Variants in GRIN2B observed in about 807,000 individuals in gnomAD.
The protein encoded by GRIN2B is glutamate receptor ionotropic, NMDA 2B.
In GRIN2B, 5 loss-of-function variants were observed where a neutral mutation model predicts 114.5. That is an observed-to-expected ratio of 0.04 (90% CI 0.02 to 0.09). The LOEUF (loss-of-function observed/expected upper bound fraction) is 0.09. Ranked by LOEUF, GRIN2B falls within the 10% of genes least tolerant of loss-of-function variation. GRIN2B has a pLI of 1.00. For missense variants in GRIN2B, 1,108 were observed against 1,943.5 expected, an observed-to-expected ratio of 0.57 and a Z score of 8.08; for synonymous variants, 787 against 745.1, an observed-to-expected ratio of 1.06 and a Z score of -0.92.
intron 10 of GRIN2B, among the ~76,000 whole-genome samples, chr12:13,606,525 T>C (rs1949250507): frequency 1.3e-5 from 2 of 152,118 alleles, no homozygotes; most frequent in African/African-American, 2.4e-5. Flanking sequence ...ACACTGGCCA[T>C]TAGGCCCCAC....
At chr12:13,818,455 T>C (rs894003388) in intron 3 of GRIN2B, among the ~76,000 whole-genome samples, 1 of 152,242 alleles carries the variant, frequency 6.6e-6, no homozygotes, top group African/African-American at 2.4e-5. Context: ...AGGATTTATT[T>C]TTAAGAAGGG....
At chr12:13,735,936 C>T (rs1229041040) in intron 4 of GRIN2B, among the ~76,000 whole-genome samples, 1 of 151,264 alleles carries the variant, frequency 6.6e-6, no homozygotes, top group Non-Finnish European at 1.5e-5. Context: ...ATCTGAAGCA[C>T]GTGTCACTGC....
Position 13,948,049 on chromosome 12 carries a change from C to T in GRIN2B, c.-19+31879G>A, listed in dbSNP as rs73303042. On this transcript the variant is annotated intron_variant, in intron 2 of 13. Coordinates refer to ENST00000609686, the MANE Select transcript of GRIN2B (RefSeq NM_000834.5). The stretch of plus-strand genomic sequence containing the variant: ...CCTGAAAGTATGGTATTTACTCACT[C>T]AAAACCCAACAATGTTGCAGTTAAT... Among the ~76,000 whole-genome samples, 344 of 152,284 alleles carry T rather than the reference C, an allele frequency of 2.3e-3. 3 individuals carry two copies. Among genetic ancestry groups the T allele is most frequent in the African/African-American group, 7.6e-3 (317 of 41,554 alleles).
chr12:13,675,755 T>C lies in GRIN2B; in HGVS notation c.1115A>G (p.Lys372Arg). 2.5e-6 allele frequency: 4 copies of C among 1,596,610 alleles called. No individual in the cohort carries two copies. The highest frequency in any genetic ancestry group is 3.4e-6 in the Non-Finnish European group (4 of 1,164,186). The change falls in exon 5 of 14, where the codon AAG becomes AGG. Residue 372 changes from lysine (K) to arginine (R), a missense_variant. Transcript: ENST00000609686. The part of the protein sequence containing the change: ...LVIILLNKER[K>R]WERVGKWKDK... ...AAAGACATGTCTTACCCTTTCCCAC[T>C]TCCTCTCCTTGTTCAGAAGAATTAT... is the stretch of plus-strand genomic sequence containing the variant.
rs79845756 is a variant in GRIN2B, at chr12:13,947,724, G to A, written c.-19+32204C>T. 7.4e-4 allele frequency among the ~76,000 whole-genome samples: 113 copies of A among 152,198 alleles called. 1 individual carries two copies. In the East Asian group the frequency reaches 0.021, roughly 28 times the overall value. Reference sequence around the variant, plus strand: ...GTTGATCTGATAGGACCCCACCTTTGGCTGTGGCTCATTTTCCAGCTGCAG... The same window carrying A: ...GTTGATCTGATAGGACCCCACCTTTAGCTGTGGCTCATTTTCCAGCTGCAG... On this transcript the variant is annotated intron_variant, in intron 2 of 13. Transcript: ENST00000609686.
rs185305899 is a variant in GRIN2B, at chr12:13,659,294, T to C, written c.1125+16451A>G. Among the ~76,000 whole-genome samples, 4 of 152,322 alleles carry C rather than the reference T, an allele frequency of 2.6e-5. No homozygotes were observed. In the East Asian group the frequency reaches 7.7e-4, roughly 29 times the overall value. On this transcript the variant is annotated intron_variant, in intron 5 of 13. Transcript: ENST00000609686. The stretch of plus-strand genomic sequence containing the variant: ...CTGAAGTTCAATTCTTCAGTGGTCA[T>C]TGTCTCATCTTTCCCAGTAGGTTAC...
intron 2 of GRIN2B, among the ~76,000 whole-genome samples, chr12:13,965,172 C>T (rs1244814506): frequency 1.3e-5 from 2 of 152,160 alleles, no homozygotes; most frequent in Non-Finnish European, 2.9e-5. Flanking sequence ...GCCTGAAATC[C>T]TCACAGAGCC....
chr12:13,547,981 A>ATATATATATTTTTTTTTTTTTTTTTTT lies in GRIN2B; in HGVS notation c.*14801_*14802insAAAAAAAAAAAAAAAAAAATATATATA. On this transcript the variant is annotated 3_prime_UTR_variant, in exon 14 of 14. Transcript: ENST00000609686. Reference sequence around the variant, plus strand: ...TGTGTATATATATATATATATATATATTTTTTTTTTTTTTCTGAAAGCTAC... The same window carrying ATATATATATTTTTTTTTTTTTTTTTTT: ...TGTGTATATATATATATATATATATATATATATATTTTTTTTTTTTTTTTTTTTTTTTTTTTTTTTTCTGAAAGCTAC... 13 of 68,588 alleles carry ATATATATATTTTTTTTTTTTTTTTTTT rather than the reference A, an allele frequency of 1.9e-4. No homozygotes were observed. The highest frequency in any genetic ancestry group is 3.2e-4 in the Non-Finnish European group (11 of 34,394). The allele number at this position is 68,588 out of a possible 1,614,324, so 4.2% of individuals were successfully genotyped here. A position where few individuals can be genotyped will look rare whatever the true frequency, so the allele number is the denominator to read the frequency against.
intron 4 of GRIN2B, among the ~76,000 whole-genome samples, chr12:13,728,338 T>C (rs570657851): frequency 6.6e-5 from 10 of 152,168 alleles, no homozygotes; most frequent in Non-Finnish European, 1.5e-4. Context: ...AGGCTAGAAA[T>C]TTTTTTCAAC....
intron 3 of GRIN2B, among the ~76,000 whole-genome samples, chr12:13,841,487 T>G (rs537426520): frequency 6.6e-6 from 1 of 152,306 alleles, no homozygotes; most frequent in African/African-American, 2.4e-5. Context: ...CTGCTGGAGA[T>G]GATGATATCC....
intron 3 of GRIN2B, among the ~76,000 whole-genome samples, chr12:13,859,931 A>G (rs1446713715): frequency 1.3e-5 from 2 of 152,214 alleles, no homozygotes; most frequent in South Asian, 2.1e-4. Flanking sequence ...TTTTCTCCCA[A>G]AGTATTCTGT....
At chr12:13,590,761 C>T (rs1157285026) in intron 10 of GRIN2B, among the ~76,000 whole-genome samples, 1 of 152,118 alleles carries the variant, frequency 6.6e-6, no homozygotes, top group East Asian at 1.9e-4. Context: ...TGGGCATATA[C>T]CCGGCAATGG....
intron 10 of GRIN2B, among the ~76,000 whole-genome samples, chr12:13,608,027 G>A (rs1290449892): frequency 0.046 from 6 of 130 alleles, no homozygotes; most frequent in Admixed American, 0.2. Flanking sequence ...GCATAGGCCC[G>A]CAGAGGCCTG....
intron 5 of GRIN2B, among the ~76,000 whole-genome samples, chr12:13,660,497 T>C (rs1234120200): frequency 6.6e-6 from 1 of 152,176 alleles, no homozygotes; most frequent in East Asian, 1.9e-4. Context: ...TAACTCTGGA[T>C]ACAGGCAGCA....
At chr12:13,807,774 G>C (rs1247228260) in intron 3 of GRIN2B, among the ~76,000 whole-genome samples, 3 of 137,842 alleles carry the variant, frequency 2.2e-5, no homozygotes, top group Non-Finnish European at 4.6e-5. Flanking sequence ...AGGTAGCAAG[G>C]GGCTTCTTAA....
intron 4 of GRIN2B, among the ~76,000 whole-genome samples, chr12:13,710,341 C>T (rs1229569063): frequency 6.6e-6 from 1 of 152,102 alleles, no homozygotes; most frequent in African/African-American, 2.4e-5. Context: ...CCCTCTCTCA[C>T]CGCTCCTATT....
chr12:13,954,275 T>G (rs1867546730), intron 2 of GRIN2B, among the ~76,000 whole-genome samples: 1 of 152,196 alleles, frequency 6.6e-6, no homozygotes, highest in Non-Finnish European at 1.5e-5. Flanking sequence ...CGTAATTTGC[T>G]ACATGATTCA....
At chr12:13,737,030 CAAAAAA>C (rs368902113) in intron 4 of GRIN2B, among the ~76,000 whole-genome samples, 6 of 100,630 alleles carry the variant, frequency 6.0e-5, no homozygotes. Context: ...AACTCCATCT[CAAAAAA>C]AAAAAAAAAA....
In GRIN2B at chr12:13,564,124, C is replaced by T; in HGVS notation, c.3114G>A (p.Leu1038=). The T allele has an allele frequency of 6.2e-7, 1 of 1,614,156 alleles. No homozygotes were observed. Among genetic ancestry groups the T allele is most frequent in the Non-Finnish European group, 8.5e-7 (1 of 1,180,024 alleles). The part of the protein sequence containing the change: ...PSSKHSQLSD[L]YGKFSFKSDR... The stretch of plus-strand genomic sequence containing the variant: ...CGCTCTTGAAGGAGAATTTGCCGTA[C>T]AGGTCACTGAGCTGGCTGTGCTTGG... Residue 1038 remains leucine, a synonymous_variant, in exon 14 of 14, where the codon CTG becomes CTA. Transcript: ENST00000609686. This position sits in a 1 kb window ranked among gnomAD's most constrained non-coding sequence, Gnocchi z 4.8.
Sources: allele counts gnomAD v4.1 joint callset (sites outside exome capture counted in the v4.1 genomes callset), GRCh38; gene constraint gnomAD v4.1.1; non-coding constraint Gnocchi (gnomAD v3.1); transcripts MANE v1.5; gene names NCBI Gene and HGNC (gene_info 2026-07-23, HGNC 2026-07-21).